UBE2O: variants seen among roughly 807,000 people sequenced by gnomAD.
The protein encoded by UBE2O is ubiquitin conjugating enzyme E2 O, also known as (E3-independent) E2 ubiquitin-conjugating enzyme.
Under a neutral mutation model 125.8 loss-of-function variants are expected in UBE2O, and 15 were observed. That is an observed-to-expected ratio of 0.12 (90% CI 0.08 to 0.18). The LOEUF (loss-of-function observed/expected upper bound fraction) is 0.18. UBE2O is among the 10% of genes least tolerant of loss of function. The pLI, the probability that UBE2O is intolerant of heterozygous loss-of-function variation, is 1.00. For synonymous variants in UBE2O, 708 were observed against 703.2 expected (o/e 1.01, Z -0.11); for missense variants, 1,280 against 1,723.6 (o/e 0.74, Z 4.56).
rs768202099 is a variant in UBE2O at position 76,410,467 on chromosome 17, C to T, written c.418-4895G>A. ...CCTCAACGAAGAATGGCGTGGCCAA[C>T]GCACCCGCAGTGCCACAGCTGAGAA... On this transcript the variant is annotated intron_variant, in intron 1 of 17. Coordinates refer to ENST00000319380, the MANE Select transcript of UBE2O (RefSeq NM_022066.4). This position sits in a 1 kb window ranked among gnomAD's most constrained non-coding sequence, Gnocchi z 4.0. 5.9e-5 allele frequency among the ~76,000 whole-genome samples: 9 copies of T among 152,042 alleles called. No homozygotes were observed. The highest frequency in any genetic ancestry group is 2.1e-4 in the South Asian group (1 of 4,818).
Position 76,396,545 on chromosome 17 carries a change from G to A in UBE2O, c.2392C>T (p.Leu798=). The A allele has an allele frequency of 6.2e-7, 1 of 1,612,136 alleles. No homozygotes were observed. Among genetic ancestry groups the A allele is most frequent in the Non-Finnish European group, 8.5e-7 (1 of 1,179,400 alleles). The change falls in exon 14 of 18, where the codon CTG becomes TTG. Residue 798 remains leucine, a synonymous_variant. Transcript: ENST00000319380. The surrounding 1 kb of genome is among the most constrained non-coding windows in gnomAD (Gnocchi z 6.7). The part of the protein sequence containing the change: ...AVAMAAPMAG[L]MEKAGKDGPP... ...CCGTCCTTGCCAGCCTTCTCCATCA[G>A]CCCGGCCATGGGGGCAGCCATGGCC...
At chr17:76,413,609 A>G (rs2072553285) in intron 1 of UBE2O, among the ~76,000 whole-genome samples, 1 of 152,202 alleles carries the variant, frequency 6.6e-6, no homozygotes, top group African/African-American at 2.4e-5. Context: ...TTTTACCGTG[A>G]GTGACTGCTG....
intron 1 of UBE2O, among the ~76,000 whole-genome samples, chr17:76,427,988 G>A (rs1194658394): frequency 6.6e-6 from 1 of 152,112 alleles, no homozygotes; most frequent in Non-Finnish European, 1.5e-5. Flanking sequence ...TGCCTACTCT[G>A]CTCTGGCTTT....
intron 1 of UBE2O, among the ~76,000 whole-genome samples, chr17:76,434,092 T>C (rs1304401265): frequency 6.6e-6 from 1 of 152,236 alleles, no homozygotes; most frequent in African/African-American, 2.4e-5. Context: ...GAAAGAAGTC[T>C]GTTTTCTTTG....
At chr17:76,415,795 C>CTCTGTGTGTGTGTGTGTG (rs1555607402) in intron 1 of UBE2O, among the ~76,000 whole-genome samples, 93 of 143,278 alleles carry the variant, frequency 6.5e-4, no homozygotes, top group East Asian at 3.8e-3. Flanking sequence ...CAGAGCAAGA[C>CTCTGTGTGTGTGTGTGTG]TGTGTGTGTG....
intron 1 of UBE2O, among the ~76,000 whole-genome samples, chr17:76,417,428 A>C (rs1462215490): frequency 1.3e-5 from 2 of 152,264 alleles, no homozygotes; most frequent in African/African-American, 4.8e-5. Flanking sequence ...ATCAGGATTT[A>C]AATGTATTAT....
In UBE2O at chr17:76,390,891, A is replaced by G. The variant is rs2072097752; in HGVS notation, c.*52T>C. On this transcript the variant is annotated 3_prime_UTR_variant, in exon 18 of 18. Coordinates refer to ENST00000319380, the MANE Select transcript of UBE2O (RefSeq NM_022066.4). The stretch of plus-strand genomic sequence containing the variant: ...GGGGTGATTCCGGGGGGGAGTGAGC[A>G]GGCGGCGGCTGGCCTCTCCCACGGT... 6.6e-7 allele frequency: 1 copy of G among 1,523,626 alleles called. No homozygotes were observed. The highest frequency in any genetic ancestry group is 1.4e-5 in the African/African-American group (1 of 72,630). The allele number at this position is 1,523,626 out of a possible 1,614,324, so 94.4% of individuals were successfully genotyped here.
At chr17:76,448,681 C>A (rs1258526737) in intron 1 of UBE2O, among the ~76,000 whole-genome samples, 1 of 152,250 alleles carries the variant, frequency 6.6e-6, no homozygotes, top group Non-Finnish European at 1.5e-5. Flanking sequence ...GCCTCCGAAA[C>A]GAAGGCTGAA....
intron 3 of UBE2O, among the ~76,000 whole-genome samples, chr17:76,403,068 C>A (rs908226473): frequency 6.6e-6 from 1 of 152,138 alleles, no homozygotes; most frequent in African/African-American, 2.4e-5. Context: ...AGCCACACCA[C>A]TGGGGGGTGG....
At chr17:76,436,660 A>G (rs899457835) in intron 1 of UBE2O, among the ~76,000 whole-genome samples, 1 of 152,074 alleles carries the variant, frequency 6.6e-6, no homozygotes, top group Non-Finnish European at 1.5e-5. Flanking sequence ...GTGCTATCCA[A>G]GGTTCCTCAC....
chr17:76,405,330 G>A lies in UBE2O; in HGVS notation c.478-14C>T, dbSNP rs773413223. The A allele has an allele frequency of 4.4e-6, 7 of 1,600,984 alleles. No individual in the cohort carries two copies. The highest frequency in any genetic ancestry group is 2.2e-5 in the East Asian group (1 of 44,562). On this transcript the variant is annotated splice_polypyrimidine_tract_variant and intron_variant, in intron 2 of 17. Coordinates refer to ENST00000319380, the MANE Select transcript of UBE2O (RefSeq NM_022066.4). This position sits in a 1 kb window ranked among gnomAD's most constrained non-coding sequence, Gnocchi z 6.1. ...ACACTGACTGTCCTGGGGGAGGGAG[G>A]AGACATGCAAGTCCCGTGGTGCAGC...
chr17:76,405,770 A>G lies in UBE2O; in HGVS notation c.418-198T>C. Among the ~76,000 whole-genome samples, 1 of 152,162 alleles carries G rather than the reference A, an allele frequency of 6.6e-6. No homozygotes were observed. Among genetic ancestry groups the G allele is most frequent in the Non-Finnish European group, 1.5e-5 (1 of 68,008 alleles). Reference sequence around the variant, plus strand: ...CCCACAGGCAGAGCGCGTCACGCCCACAGGCCTCCTGGGGCCCCTGTGGTC... The same window carrying G: ...CCCACAGGCAGAGCGCGTCACGCCCGCAGGCCTCCTGGGGCCCCTGTGGTC... On this transcript the variant is annotated intron_variant, in intron 1 of 17. Coordinates refer to ENST00000319380, the MANE Select transcript of UBE2O (RefSeq NM_022066.4). This position sits in a 1 kb window ranked among gnomAD's most constrained non-coding sequence, Gnocchi z 6.1.
chr17:76,449,362 G>C (rs987864878), intron 1 of UBE2O, among the ~76,000 whole-genome samples: 1 of 152,238 alleles, frequency 6.6e-6, no homozygotes, highest in East Asian at 1.9e-4. Flanking sequence ...ATCACTTGAG[G>C]CCAGAAGTTC....
At position 76,398,929 on chromosome 17, in the gene UBE2O, A is replaced by C; in HGVS notation, c.1691T>G (p.Val564Gly). Reference protein sequence around the residue: ...SADVMWQDGSVECNIRSNDLF... With the variant: ...SADVMWQDGSGECNIRSNDLF... ...GTCGTTGGAGCGGATGTTGCATTCC[A>C]CGGAGCCATCCTGCCACATCACGTC... The change falls in exon 10 of 18, where the codon GTG becomes GGG. Residue 564 changes from valine (V) to glycine (G), a missense_variant. Val to Gly is a moderately radical substitution (Grantham distance 109, BLOSUM62 -3). This residue lies in a region of UBE2O where 145 missense variants were observed against 219.6 expected (regional missense o/e 0.66). Coordinates refer to ENST00000319380, the MANE Select transcript of UBE2O (RefSeq NM_022066.4). This position sits in a 1 kb window ranked among gnomAD's most constrained non-coding sequence, Gnocchi z 5.4. 1.2e-6 allele frequency: 2 copies of C among 1,614,034 alleles called. No individual in the cohort carries two copies. Among genetic ancestry groups the C allele is most frequent in the Non-Finnish European group, 1.7e-6 (2 of 1,180,022 alleles).
intron 1 of UBE2O, among the ~76,000 whole-genome samples, chr17:76,447,028 CTCCT>C (rs2073163023): frequency 6.6e-6 from 1 of 152,244 alleles, no homozygotes; most frequent in South Asian, 2.1e-4. Flanking sequence ...ATCTCCCTCC[CTCCT>C]GCCTGCCCAC....
In UBE2O at chr17:76,452,055, A is replaced by T. The variant is rs2073254532; in HGVS notation, c.417+670T>A. Among the ~76,000 whole-genome samples, 1 of 151,876 alleles carries T rather than the reference A, an allele frequency of 6.6e-6. No homozygotes were observed. Among genetic ancestry groups the T allele is most frequent in the African/African-American group, 2.4e-5 (1 of 41,306 alleles). Reference sequence around the variant, plus strand: ...TATTTTTTTCAAGGAGTCCATATGCACTTAGGAGTCATCAATCCCGGTCGC... The same window carrying T: ...TATTTTTTTCAAGGAGTCCATATGCTCTTAGGAGTCATCAATCCCGGTCGC... On this transcript the variant is annotated intron_variant, in intron 1 of 17. Transcript: ENST00000319380. The surrounding 1 kb of genome is among the most constrained non-coding windows in gnomAD (Gnocchi z 4.4).
chr17:76,406,992 C>G (rs1396701268), intron 1 of UBE2O, among the ~76,000 whole-genome samples: 1 of 152,192 alleles, frequency 6.6e-6, no homozygotes, highest in African/African-American at 2.4e-5. Context: ...GCCACTGCAT[C>G]CAGGTATGAG....
chr17:76,447,321 C>A (rs998040311), intron 1 of UBE2O, among the ~76,000 whole-genome samples: 1 of 152,242 alleles, frequency 6.6e-6, no homozygotes, highest in African/African-American at 2.4e-5. Flanking sequence ...TACTTAACCT[C>A]TCTGTTCCTC....
At chr17:76,435,621 C>T (rs768163758) in intron 1 of UBE2O, among the ~76,000 whole-genome samples, 5 of 152,194 alleles carry the variant, frequency 3.3e-5, no homozygotes, top group Non-Finnish European at 7.3e-5. Flanking sequence ...TGAGCCCTCT[C>T]GAAGGTGATC....
Sources: gnomAD v4.1 joint callset for allele counts (sites outside exome capture counted in the v4.1 genomes callset) on GRCh38, gnomAD v4.1.1 for gene constraint, gnomAD v4.1.1 regional missense constraint, Gnocchi (gnomAD v3.1) non-coding constraint, MANE v1.5 for transcripts, NCBI Gene and HGNC (gene_info 2026-07-23, HGNC 2026-07-21) for gene names.